Variants in ABCB10 observed in about 807,000 individuals in gnomAD.
ABCB10 encodes ATP-binding cassette sub-family B member 10, mitochondrial.
A neutral mutation model predicts 65.4 loss-of-function variants in ABCB10; 54 were observed. That is an observed-to-expected ratio of 0.83 (90% confidence interval 0.66 to 1.04). The LOEUF (loss-of-function observed/expected upper bound fraction) is 1.04. Ranked by LOEUF, ABCB10 falls within the 50% of genes least tolerant of loss-of-function variation. ABCB10 has a pLI of 0.00. For synonymous variants in ABCB10, 418 were observed against 406.5 expected (o/e 1.03, Z -0.34); for missense variants, 846 against 976.6 (o/e 0.87, Z 1.78).
At chr1:229,556,683 C>T (rs1663255074) in intron 1 of ABCB10, among the ~76,000 whole-genome samples, 1 of 152,088 alleles carries the variant, frequency 6.6e-6, no homozygotes, top group Non-Finnish European at 1.5e-5. Context: ...ACCTAAACAC[C>T]CTTCCTGACA....
intron 7 of ABCB10, among the ~76,000 whole-genome samples, chr1:229,530,932 A>G (rs1420969868): frequency 3.9e-5 from 6 of 152,196 alleles, no homozygotes. Context: ...GTGTTCACCT[A>G]CTGTGCTTTG....
chr1:229,530,428 A>G lies in ABCB10; in HGVS notation c.1436-20T>C, dbSNP rs1662556282. The G allele has an allele frequency of 3.1e-6, 5 of 1,611,888 alleles. No individual in the cohort carries two copies. Among genetic ancestry groups the G allele is most frequent in the Non-Finnish European group, 4.2e-6 (5 of 1,178,568 alleles). ...CCCCCTCTGAAACATAAAATGGAAT[A>G]TTAATTACTTACAGCAAAAAATTAA... On this transcript the variant is annotated intron_variant, in intron 7 of 12. Transcript: ENST00000344517.
chr1:229,558,394 C>G lies in ABCB10; in HGVS notation c.259G>C (p.Ala87Pro). The G allele has an allele frequency of 3.2e-6, 4 of 1,236,560 alleles. No homozygotes were observed. The highest frequency in any genetic ancestry group is 4.1e-6 in the Non-Finnish European group (4 of 983,650). The allele number at this position is 1,236,560 out of a possible 1,614,324, so 76.6% of individuals were successfully genotyped here. A position where few individuals can be genotyped will look rare whatever the true frequency, so the allele number is the denominator to read the frequency against. ...PGASRGVLGL[A>P]RLLGLWARGP... is the part of the protein sequence containing the mutation. ...CGAGCCCACAGCCCCAGGAGCCGCG[C>G]GAGGCCCAGGACGCCCCGCGAGGCG... Residue 87 changes from alanine (A) to proline (P), a missense_variant, in exon 1 of 13, where the codon GCG becomes CCG. Transcript: ENST00000344517.
chr1:229,546,728 C>A (rs1241500338), intron 3 of ABCB10, among the ~76,000 whole-genome samples: 1 of 151,438 alleles, frequency 6.6e-6, no homozygotes, highest in Non-Finnish European at 1.5e-5. Context: ...TATATATATT[C>A]TTTAAATTAG....
chr1:229,529,231 T>G (rs1303658392), intron 8 of ABCB10, among the ~76,000 whole-genome samples: 2 of 121,454 alleles, frequency 1.6e-5, no homozygotes, highest in African/African-American at 6.5e-5. Context: ...AGGCGGAGCT[T>G]GCAGCAGTGA....
chr1:229,530,147 G>C, intron 8 of ABCB10, 52 bp downstream of exon 8: 1 of 1,583,206 alleles, frequency 6.3e-7, no homozygotes, highest in Non-Finnish European at 8.7e-7. Flanking sequence ...CGCAAAAGTG[G>C]GAGCAGAGCT....
chr1:229,557,481 T>C (rs1663283961), intron 1 of ABCB10, among the ~76,000 whole-genome samples: 1 of 152,224 alleles, frequency 6.6e-6, no homozygotes, highest in South Asian at 2.1e-4. Context: ...ATCTAAACAC[T>C]CCTCCAATTA....
At position 229,518,451 on chromosome 1, in the gene ABCB10, T is replaced by A. The variant is rs1571953111; in HGVS notation, c.1986-41A>T. On this transcript the variant is annotated intron_variant, in intron 12 of 12. Coordinates refer to ENST00000344517, the MANE Select transcript of ABCB10 (RefSeq NM_012089.3). Reference sequence around the variant, plus strand: ...ACACACAAGAAAGCAAAGACGTCAGTGACACCCATGTGCTTCCTGATACAC... The same window carrying A: ...ACACACAAGAAAGCAAAGACGTCAGAGACACCCATGTGCTTCCTGATACAC... The A allele has an allele frequency of 9.8e-6, 15 of 1,535,234 alleles. No homozygotes were observed. The East Asian group carries it at 3.4e-4, about 35-fold the overall frequency.
intron 3 of ABCB10, among the ~76,000 whole-genome samples, chr1:229,546,653 T>C (rs181079776): frequency 1.3e-5 from 2 of 152,172 alleles, no homozygotes; most frequent in South Asian, 2.1e-4. Context: ...GGAGGATCAC[T>C]TGAGGCCAAG....
intron 2 of ABCB10, among the ~76,000 whole-genome samples, chr1:229,548,307 A>AT (rs1482662037): frequency 6.6e-6 from 1 of 151,946 alleles, no homozygotes; most frequent in East Asian, 1.9e-4. Flanking sequence ...CTTGGCCGAG[A>AT]TTTTTTTAAG....
intron 10 of ABCB10, among the ~76,000 whole-genome samples, chr1:229,525,472 A>AT (rs1383362802): frequency 6.6e-6 from 1 of 152,216 alleles, no homozygotes; most frequent in African/African-American, 2.4e-5. Context: ...TTTTCCACAT[A>AT]TAAGAGAGCA....
intron 5 of ABCB10, among the ~76,000 whole-genome samples, chr1:229,540,226 T>C (rs1209999586): frequency 2.0e-5 from 3 of 152,218 alleles, no homozygotes; most frequent in Non-Finnish European, 2.9e-5. Context: ...TTTTGGTTAA[T>C]CCTTAGACTT....
intron 11 of ABCB10, 115 bp downstream of exon 11, chr1:229,521,477 A>AC: frequency 7.5e-7 from 1 of 1,325,610 alleles, no homozygotes; most frequent in Non-Finnish European, 1.0e-6. Flanking sequence ...CTCCAAGAAA[A>AC]AAAAAAAAAC....
chr1:229,552,734 T>G (rs1663147091), intron 1 of ABCB10, among the ~76,000 whole-genome samples: 1 of 152,228 alleles, frequency 6.6e-6, no homozygotes. Flanking sequence ...GTCCTCACCA[T>G]TATCTGAAGG....
At chr1:229,522,851 CTTT>C (rs1662348878) in intron 10 of ABCB10, among the ~76,000 whole-genome samples, 1 of 151,864 alleles carries the variant, frequency 6.6e-6, no homozygotes, top group Non-Finnish European at 1.5e-5. Flanking sequence ...TATAGCAATT[CTTT>C]TTTTATTTTT....
At position 229,526,858 on chromosome 1, in the gene ABCB10, T is replaced by C. The variant is rs189080601; in HGVS notation, c.1725+371A>G. 5.9e-5 allele frequency among the ~76,000 whole-genome samples: 9 copies of C among 152,288 alleles called. No individual in the cohort carries two copies. The East Asian group carries it at 1.3e-3, about 23-fold the overall frequency. On this transcript the variant is annotated intron_variant, in intron 9 of 12. Transcript: ENST00000344517. ...GCCATAGTCTTTGCTCACTTTTCCC[T>C]GAAACTCATTATGCAGAATAGTAGA...
intron 10 of ABCB10, among the ~76,000 whole-genome samples, chr1:229,523,960 G>A (rs768754509): frequency 3.3e-5 from 5 of 151,646 alleles, no homozygotes; most frequent in Admixed American, 6.6e-5. Flanking sequence ...TATCAAAGAC[G>A]CCTTTTCATC....
At chr1:229,527,446 A>C in intron 8 of ABCB10, 138 bp from the exon 9 acceptor site, 1 of 729,610 alleles carries the variant, frequency 1.4e-6, no homozygotes, top group Non-Finnish European at 2.3e-6. Flanking sequence ...ATGGACTCTA[A>C]AACTAACATA....
chr1:229,548,656 C>CT (rs908195240), intron 2 of ABCB10, among the ~76,000 whole-genome samples: 32 of 147,532 alleles, frequency 2.2e-4, no homozygotes, highest in Admixed American at 1.4e-3. Context: ...GCCTCATTTT[C>CT]TTTTTTTTTC....
Sources: allele counts gnomAD v4.1 joint callset (sites outside exome capture counted in the v4.1 genomes callset), GRCh38; gene constraint gnomAD v4.1.1; transcripts MANE v1.5; gene names NCBI Gene and HGNC (gene_info 2026-07-23, HGNC 2026-07-21).